The following IGSF5 variants were observed in gnomAD, a reference collection of about 807,000 sequenced individuals.
IGSF5 encodes immunoglobulin superfamily 5 like.
A neutral mutation model predicts 39.4 loss-of-function variants in IGSF5; 41 were observed. That is an observed-to-expected ratio of 1.04 (90% CI 0.81 to 1.35). The LOEUF (loss-of-function observed/expected upper bound fraction) is 1.35, where lower values mean the gene tolerates loss of function less well. Ranked by LOEUF, IGSF5 falls within the 40% of genes most tolerant of loss-of-function variation. The pLI is 0.00. For missense variants in IGSF5, 487 were observed against 494.6 expected, an observed-to-expected ratio of 0.98 and a Z score of 0.15; for synonymous variants, 183 against 175.3, an observed-to-expected ratio of 1.04 and a Z score of -0.34.
At chr21:39,768,373 C>A (rs919791247) in intron 3 of IGSF5, among the ~76,000 whole-genome samples, 1 of 152,184 alleles carries the variant, frequency 6.6e-6, no homozygotes, top group Non-Finnish European at 1.5e-5. Context: ...GACATAACTC[C>A]AAATTGAGTC....
chr21:39,793,984 C>T (rs2146295115), intron 8 of IGSF5, among the ~76,000 whole-genome samples: 1 of 152,290 alleles, frequency 6.6e-6, no homozygotes, highest in East Asian at 1.9e-4. Context: ...TTCTGCTCTC[C>T]TGGTTACCCG....
the IGSF5 span, among the ~76,000 whole-genome samples, chr21:39,713,146 C>T: frequency 6.6e-6 from 1 of 152,288 alleles, no homozygotes; most frequent in East Asian, 1.9e-4. Context: ...AGCCCCTTTC[C>T]CTGCCACCGT....
chr21:39,751,628 G>C (rs1016627837), intron 2 of IGSF5, among the ~76,000 whole-genome samples: 1 of 152,012 alleles, frequency 6.6e-6, no homozygotes, highest in Non-Finnish European at 1.5e-5. Flanking sequence ...GGGCTGGGGG[G>C]GGTGGGGTCA....
intron 4 of IGSF5, among the ~76,000 whole-genome samples, chr21:39,774,834 G>C (rs999577442): frequency 6.6e-6 from 1 of 152,248 alleles, no homozygotes; most frequent in Admixed American, 6.5e-5. Context: ...TTTGGGTGCA[G>C]AGAAGAGTAG....
chr21:39,797,222 T>C (rs2146296718), intron 8 of IGSF5, among the ~76,000 whole-genome samples: 1 of 149,922 alleles, frequency 6.7e-6, no homozygotes, highest in Non-Finnish European at 1.5e-5. Flanking sequence ...CCTTTGCTTT[T>C]TTTTTTTTTT....
At chr21:39,723,680 T>A in the IGSF5 span, among the ~76,000 whole-genome samples, 1 of 152,334 alleles carries the variant, frequency 6.6e-6, no homozygotes, top group African/African-American at 2.4e-5. Context: ...AAAGGTAGAA[T>A]GTATTCCCTA....
At chr21:39,755,560 C>T (rs1272159554) in intron 2 of IGSF5, among the ~76,000 whole-genome samples, 2 of 145,444 alleles carry the variant, frequency 1.4e-5, no homozygotes, top group African/African-American at 5.2e-5. Context: ...GCACTCCAGA[C>T]TGGGTGACAG....
At chr21:39,728,182 G>A in the IGSF5 span, among the ~76,000 whole-genome samples, 2 of 152,084 alleles carry the variant, frequency 1.3e-5, no homozygotes, top group Non-Finnish European at 2.9e-5. Flanking sequence ...ATATGTTCAC[G>A]TCCCAACCCT....
chr21:39,774,526 T>C (rs900250838), intron 4 of IGSF5, among the ~76,000 whole-genome samples: 2 of 152,232 alleles, frequency 1.3e-5, no homozygotes, highest in East Asian at 3.8e-4. Context: ...AAAAACATAC[T>C]GGGAGGGCTG....
chr21:39,770,578 T>C (rs1253714742), intron 3 of IGSF5, among the ~76,000 whole-genome samples: 1 of 152,184 alleles, frequency 6.6e-6, no homozygotes, highest in African/African-American at 2.4e-5. Context: ...GTAGCTCACT[T>C]CAGGGATTGT....
intron 2 of IGSF5, among the ~76,000 whole-genome samples, chr21:39,757,612 T>C (rs1569249349): frequency 6.6e-6 from 1 of 151,282 alleles, no homozygotes; most frequent in Admixed American, 6.6e-5. Flanking sequence ...AGTCTCGCTC[T>C]GTCACCCAGG....
intron 7 of IGSF5, 27 bp from the exon 8 acceptor site, chr21:39,793,507 G>A (rs1164576116): frequency 6.3e-7 from 1 of 1,589,634 alleles, no homozygotes; most frequent in Middle Eastern, 1.7e-4. Flanking sequence ...GCCACTTAAT[G>A]ACTCTAAAAT....
upstream of IGSF5, among the ~76,000 whole-genome samples, chr21:39,742,112 T>C (rs929394699): frequency 1.3e-5 from 2 of 151,818 alleles, no homozygotes; most frequent in African/African-American, 4.8e-5. Context: ...CTTGTCCATA[T>C]TGTCCTTCTG....
At chr21:39,792,966 C>T (rs2086974210) in intron 7 of IGSF5, among the ~76,000 whole-genome samples, 1 of 151,778 alleles carries the variant, frequency 6.6e-6, no homozygotes, top group Admixed American at 6.6e-5. Flanking sequence ...GCCTAAACAC[C>T]TGCGTTTTCC....
At chr21:39,731,187 A>G in the IGSF5 span, among the ~76,000 whole-genome samples, 3 of 152,162 alleles carry the variant, frequency 2.0e-5, no homozygotes, top group East Asian at 5.8e-4. Flanking sequence ...GTTATAAGAT[A>G]ATCTAGGATA....
intron 6 of IGSF5, among the ~76,000 whole-genome samples, chr21:39,790,387 T>C (rs971578097): frequency 5.3e-5 from 8 of 152,176 alleles, no homozygotes; most frequent in Non-Finnish European, 1.2e-4. Context: ...TGGCCAGGCG[T>C]GGTGGCTCAC....
At chr21:39,777,644 G>A (rs2080147775) in intron 4 of IGSF5, among the ~76,000 whole-genome samples, 3 of 152,106 alleles carry the variant, frequency 2.0e-5, no homozygotes, top group Non-Finnish European at 4.4e-5. Context: ...GGGAGATGTG[G>A]AGATAGACAG....
chr21:39,736,889 G>C, the IGSF5 span, among the ~76,000 whole-genome samples: 1 of 152,154 alleles, frequency 6.6e-6, no homozygotes, highest in Admixed American at 6.5e-5. Context: ...CACAACTCCT[G>C]GTGCCGACTG....
intron 2 of IGSF5, among the ~76,000 whole-genome samples, chr21:39,760,312 GAC>G (rs2080054769): frequency 6.6e-6 from 1 of 152,164 alleles, no homozygotes; most frequent in South Asian, 2.1e-4. Context: ...TGTTCTTGTT[GAC>G]ATAGAACTTA....
Sources: gnomAD v4.1 joint callset for allele counts (sites outside exome capture counted in the v4.1 genomes callset) on GRCh38, gnomAD v4.1.1 for gene constraint, MANE v1.5 for transcripts, NCBI Gene and HGNC (gene_info 2026-07-23, HGNC 2026-07-21) for gene names.